DCDC1: variants seen among roughly 807,000 people sequenced by gnomAD.
DCDC1 encodes doublecortin domain-containing protein 1.
DCDC1 carries 200 observed loss-of-function variants against 178.3 expected under a neutral mutation model. The ratio of observed to expected loss-of-function variants is 1.12; its 90% confidence interval spans 1.00 to 1.26. DCDC1 has a LOEUF of 1.26. Ranked by LOEUF, DCDC1 falls within the 50% of genes most tolerant of loss-of-function variation. The pLI, the probability that DCDC1 is intolerant of heterozygous loss-of-function variation, is 0.00. For synonymous variants in DCDC1, 690 were observed against 604.8 expected (o/e 1.14, Z -2.07); for missense variants, 1,983 against 1,749.2 (o/e 1.13, Z -2.38).
At position 31,006,003 on chromosome 11, in the gene DCDC1, T is replaced by C. The variant is rs538943720; in HGVS notation, c.2592-53435A>G. Reference sequence around the variant, plus strand: ...ACTTTTGGTCCTATTGACTACTCTTTATTTTCACATAACCCATTTTACTGC... The same window carrying C: ...ACTTTTGGTCCTATTGACTACTCTTCATTTTCACATAACCCATTTTACTGC... On this transcript the variant is annotated intron_variant, in intron 20 of 38. Transcript: ENST00000684477. 4.0e-5 allele frequency among the ~76,000 whole-genome samples: 6 copies of C among 151,492 alleles called. No individual in the cohort carries two copies. The East Asian group carries it at 1.2e-3, about 29-fold the overall frequency.
chr11:31,264,109 T>TTTAA (rs1944981096), intron 8 of DCDC1, among the ~76,000 whole-genome samples: 1 of 152,186 alleles, frequency 6.6e-6, no homozygotes, highest in Non-Finnish European at 1.5e-5. Flanking sequence ...GAGTAGATAG[T>TTTAA]TTAATTCATT....
intron 1 of DCDC1, among the ~76,000 whole-genome samples, chr11:31,350,854 C>A (rs576161813): frequency 5.3e-5 from 8 of 151,972 alleles, no homozygotes; most frequent in African/African-American, 1.9e-4. Flanking sequence ...AGCAACCATA[C>A]CTTTCATTTC....
At chr11:31,085,321 C>G (rs1957408393) in intron 17 of DCDC1, among the ~76,000 whole-genome samples, 1 of 151,808 alleles carries the variant, frequency 6.6e-6, no homozygotes, top group African/African-American at 2.4e-5. Flanking sequence ...TGAACATATC[C>G]ACATCTGTCA....
chr11:31,124,184 G>A (rs960353988), intron 11 of DCDC1, among the ~76,000 whole-genome samples: 2 of 151,906 alleles, frequency 1.3e-5, no homozygotes, highest in East Asian at 3.9e-4. Context: ...ATTATTTTGA[G>A]GTACATTCCT....
chr11:30,900,064 A>T (rs761043945), intron 33 of DCDC1, among the ~76,000 whole-genome samples: 4 of 152,090 alleles, frequency 2.6e-5, no homozygotes, highest in Non-Finnish European at 4.4e-5. Context: ...AATGTATACC[A>T]TTATTCTCAG....
intron 9 of DCDC1, among the ~76,000 whole-genome samples, chr11:31,198,403 T>A (rs1292822400): frequency 6.6e-6 from 1 of 152,088 alleles, no homozygotes; most frequent in East Asian, 1.9e-4. Flanking sequence ...ATTTCTACTT[T>A]ATATTATAAA....
intron 38 of DCDC1, among the ~76,000 whole-genome samples, chr11:30,872,466 T>G (rs1941674455): frequency 6.6e-6 from 1 of 152,208 alleles, no homozygotes; most frequent in African/African-American, 2.4e-5. Context: ...AAATATGGTA[T>G]GAAAATGTAT....
chr11:31,122,753 T>A (rs1237484878), intron 11 of DCDC1, among the ~76,000 whole-genome samples: 1 of 152,150 alleles, frequency 6.6e-6, no homozygotes, highest in Non-Finnish European at 1.5e-5. Context: ...AGGACCGCTC[T>A]TGTTAATCAA....
At chr11:31,068,928 T>G (rs1956402367) in intron 18 of DCDC1, among the ~76,000 whole-genome samples, 1 of 152,076 alleles carries the variant, frequency 6.6e-6, no homozygotes, top group South Asian at 2.1e-4. Context: ...CTCGGCTCAC[T>G]GCAAGCTCCG....
intron 11 of DCDC1, among the ~76,000 whole-genome samples, chr11:31,120,458 G>T (rs1278119372): frequency 6.6e-6 from 1 of 152,078 alleles, no homozygotes; most frequent in African/African-American, 2.4e-5. Context: ...AGACCCAGAA[G>T]AAAGAGCCTG....
intron 20 of DCDC1, among the ~76,000 whole-genome samples, chr11:30,968,711 T>TATATATA (rs1949594817): frequency 5.9e-4 from 36 of 61,022 alleles, no homozygotes; most frequent in African/African-American, 2.4e-3. Flanking sequence ...ATATATCAAA[T>TATATATA]TATATATATA....
chr11:31,343,089 G>A (rs1274751876), intron 1 of DCDC1, among the ~76,000 whole-genome samples: 4 of 152,088 alleles, frequency 2.6e-5, no homozygotes, highest in Non-Finnish European at 5.9e-5. Flanking sequence ...AAAATGGCAA[G>A]ACCCCATCTC....
At chr11:30,957,973 A>T (rs968555725) in intron 20 of DCDC1, among the ~76,000 whole-genome samples, 2 of 152,166 alleles carry the variant, frequency 1.3e-5, no homozygotes, top group African/African-American at 4.8e-5. Context: ...CAAAGAGGTC[A>T]GTGTGATGTG....
intron 11 of DCDC1, among the ~76,000 whole-genome samples, chr11:31,115,981 T>TTGGGG (rs1555066669): frequency 1.1e-4 from 4 of 38,092 alleles, no homozygotes; most frequent in African/African-American, 2.6e-4. Context: ...GCTGTGGCAG[T>TTGGGG]GGGGGGGGGG....
rs138568476 is a variant in DCDC1, at chr11:31,108,191, A to G, written c.1588-1231T>C. 4.4e-3 allele frequency among the ~76,000 whole-genome samples: 673 copies of G among 152,328 alleles called. 4 individuals are homozygous for G. Among genetic ancestry groups the G allele is most frequent in the African/African-American group, 0.015 (636 of 41,584 alleles). ...TTAGAGATACGTAATAGTATCTCCA[A>G]CTTAGTGTTTTCATTAGCTGAAGAT... On this transcript the variant is annotated intron_variant, in intron 12 of 38. Coordinates refer to ENST00000684477, the MANE Select transcript of DCDC1 (RefSeq NM_001387274.1).
intron 9 of DCDC1, among the ~76,000 whole-genome samples, chr11:31,195,388 G>C (rs1386212292): frequency 1.3e-5 from 2 of 152,038 alleles, no homozygotes; most frequent in Non-Finnish European, 2.9e-5. Flanking sequence ...TTATTCTAGT[G>C]ATTAAAGTTT....
chr11:30,944,707 A>G (rs192274781), intron 21 of DCDC1, among the ~76,000 whole-genome samples: 28 of 152,266 alleles, frequency 1.8e-4, no homozygotes, highest in Admixed American at 4.6e-4. Context: ...AGACATTTCA[A>G]TAAGTAGGAG....
At chr11:31,104,702 T>A (rs948198226) in intron 13 of DCDC1, among the ~76,000 whole-genome samples, 4 of 152,072 alleles carry the variant, frequency 2.6e-5, no homozygotes, top group African/African-American at 9.7e-5. Flanking sequence ...GACACATAAC[T>A]CTTCTTCAGT....
chr11:30,942,958 C>T (rs1319201888), intron 21 of DCDC1, among the ~76,000 whole-genome samples: 2 of 152,206 alleles, frequency 1.3e-5, no homozygotes, highest in East Asian at 3.9e-4. Flanking sequence ...TTCTGTCCTT[C>T]ATAGACATAG....
Sources: allele counts gnomAD v4.1 joint callset (sites outside exome capture counted in the v4.1 genomes callset), GRCh38; gene constraint gnomAD v4.1.1; transcripts MANE v1.5; gene names NCBI Gene and HGNC (gene_info 2026-07-23, HGNC 2026-07-21).